Variants in CCDC88C observed in about 807,000 individuals in gnomAD.
CCDC88C encodes the protein protein Daple.
In CCDC88C, 131 loss-of-function variants were observed where a neutral mutation model predicts 198.8. That is an observed-to-expected ratio of 0.66 (90% CI 0.57 to 0.76). The LOEUF (loss-of-function observed/expected upper bound fraction) is 0.76. CCDC88C is among the 30% of genes least tolerant of loss of function. The pLI is 0.00. For missense variants in CCDC88C, 2,553 were observed against 2,631.6 expected, an observed-to-expected ratio of 0.97 and a Z score of 0.65; for synonymous variants, 1,166 against 1,114.7, an observed-to-expected ratio of 1.05 and a Z score of -0.92.
chr14:91,332,430 T>C (rs984898315), intron 10 of CCDC88C, among the ~76,000 whole-genome samples: 2 of 152,216 alleles, frequency 1.3e-5, no homozygotes, highest in African/African-American at 2.4e-5. Flanking sequence ...GGAGCAAAAA[T>C]AGCTGCCAGA....
intron 22 of CCDC88C, 130 bp downstream of exon 22, chr14:91,297,175 G>T: frequency 1.1e-6 from 1 of 948,320 alleles, no homozygotes; most frequent in Non-Finnish European, 1.6e-6. Flanking sequence ...CAGCCTCTGT[G>T]CCACCTCCAC....
rs893615587 is a variant in CCDC88C, at chr14:91,416,850, G to C, written c.61-12C>G. The C allele has an allele frequency of 2.5e-6, 4 of 1,595,334 alleles. No individual in the cohort carries two copies. The Admixed American group carries it at 6.7e-5, about 27-fold the overall frequency. Reference sequence around the variant, plus strand: ...CCAAAAGTTTTCACCTGCGGGGAGGGGGACGAGGAGAGAAAGACAGGAAGT... The same window carrying C: ...CCAAAAGTTTTCACCTGCGGGGAGGCGGACGAGGAGAGAAAGACAGGAAGT... On this transcript the variant is annotated splice_polypyrimidine_tract_variant and intron_variant, in intron 1 of 29. Coordinates refer to ENST00000389857, the MANE Select transcript of CCDC88C (RefSeq NM_001080414.4).
intron 3 of CCDC88C, chr14:91,408,272 G>C: frequency 4.9e-6 from 1 of 205,654 alleles, no homozygotes. Flanking sequence ...CTCAACCCTT[G>C]AATGGCTCCT....
chr14:91,277,659 T>G (rs1890019590), intron 29 of CCDC88C, among the ~76,000 whole-genome samples: 1 of 152,180 alleles, frequency 6.6e-6, no homozygotes, highest in Non-Finnish European at 1.5e-5. Flanking sequence ...GTAAGTCAGG[T>G]GCTGGCCACG....
chr14:91,327,306 T>C (rs1207862579), intron 10 of CCDC88C, among the ~76,000 whole-genome samples: 1 of 152,182 alleles, frequency 6.6e-6, no homozygotes, highest in East Asian at 1.9e-4. Flanking sequence ...CCACACACTT[T>C]CCGGCCAGCG....
At chr14:91,374,012 G>A (rs1435051537) in intron 3 of CCDC88C, among the ~76,000 whole-genome samples, 1 of 152,212 alleles carries the variant, frequency 6.6e-6, no homozygotes, top group Non-Finnish European at 1.5e-5. Flanking sequence ...GAGATCCTCA[G>A]GGTCCCCAGG....
At chr14:91,315,480 C>T (rs966797519) in intron 14 of CCDC88C, among the ~76,000 whole-genome samples, 170 bp downstream of exon 14, 10 of 152,208 alleles carry the variant, frequency 6.6e-5, no homozygotes, top group Non-Finnish European at 8.8e-5. Flanking sequence ...TTCACCCCAC[C>T]TTTTCCCACC....
chr14:91,364,455 A>G (rs1011042133), intron 3 of CCDC88C, among the ~76,000 whole-genome samples: 1 of 152,182 alleles, frequency 6.6e-6, no homozygotes, highest in Non-Finnish European at 1.5e-5. Context: ...AGGCAGGTGC[A>G]TTTGTGTTTT....
chr14:91,391,693 CG>C (rs1254280971), intron 3 of CCDC88C, among the ~76,000 whole-genome samples: 14 of 152,084 alleles, frequency 9.2e-5, no homozygotes, highest in Non-Finnish European at 1.2e-4. Flanking sequence ...GCAGGAGAAT[CG>C]CTTGATCCCA....
In CCDC88C at chr14:91,331,109, C is replaced by T. The variant is rs187537893; in HGVS notation, c.1051-5053G>A. Among the ~76,000 whole-genome samples, 7 of 14,016 alleles carry T rather than the reference C, an allele frequency of 5.0e-4. No homozygotes were observed. In the South Asian group the frequency reaches 0.012, roughly 24 times the overall value. The allele number at this position is 14,016 out of a possible 152,430, so 9.2% of individuals were successfully genotyped here. On this transcript the variant is annotated intron_variant, in intron 10 of 29. Transcript: ENST00000389857. ...GCAAGAGTGGCTTTGGTAAGTGGGG[C>T]GGGGGTGGGGGGAGCGGTGCAGGCA...
chr14:91,318,894 G>C (rs1299474799), intron 13 of CCDC88C, among the ~76,000 whole-genome samples: 5 of 128,812 alleles, frequency 3.9e-5, no homozygotes, highest in Non-Finnish European at 6.3e-5. Flanking sequence ...ACTCCAGCCT[G>C]GACAACAGAG....
At chr14:91,310,800 CTA>C (rs918560157) in intron 15 of CCDC88C, among the ~76,000 whole-genome samples, 4 of 152,184 alleles carry the variant, frequency 2.6e-5, no homozygotes, top group African/African-American at 9.7e-5. Context: ...TTGTAGCTCT[CTA>C]GATAGTGACC....
intron 3 of CCDC88C, among the ~76,000 whole-genome samples, chr14:91,369,121 C>T (rs1319003007): frequency 6.6e-6 from 1 of 152,198 alleles, no homozygotes; most frequent in African/African-American, 2.4e-5. Context: ...GAGAGCTTCC[C>T]TCATAGACAC....
chr14:91,378,207 TG>T (rs1178876464), intron 3 of CCDC88C, among the ~76,000 whole-genome samples: 1 of 152,176 alleles, frequency 6.6e-6, no homozygotes, highest in African/African-American at 2.4e-5. Flanking sequence ...AGCCGCAAGC[TG>T]GCAGAGGTCA....
Position 91,326,188 on chromosome 14 carries a change from A to C in CCDC88C, c.1051-132T>G, listed in dbSNP as rs543748590. The stretch of plus-strand genomic sequence containing the variant: ...ATCTAGAGGGAAGTCCGAGGCAGGA[A>C]GTTTTTCCTCTACTTTTTTTTTTAT... On this transcript the variant is annotated intron_variant, in intron 10 of 29. Coordinates refer to ENST00000389857, the MANE Select transcript of CCDC88C (RefSeq NM_001080414.4). 153 of 731,598 alleles carry C rather than the reference A, an allele frequency of 2.1e-4. No individual in the cohort carries two copies. In the African/African-American group the frequency reaches 2.5e-3, roughly 12 times the overall value. The allele number at this position is 731,598 out of a possible 1,614,324, so 45.3% of individuals were successfully genotyped here. A position where few individuals can be genotyped will look rare whatever the true frequency, so the allele number is the denominator to read the frequency against.
At chr14:91,306,643 T>C (rs918599145) in intron 18 of CCDC88C, among the ~76,000 whole-genome samples, 1 of 152,250 alleles carries the variant, frequency 6.6e-6, no homozygotes, top group East Asian at 1.9e-4. Flanking sequence ...GCCATGGGGT[T>C]TCCATCTCAA....
At chr14:91,324,094 C>T (rs1043034725) in intron 12 of CCDC88C, among the ~76,000 whole-genome samples, 1 of 152,256 alleles carries the variant, frequency 6.6e-6, no homozygotes, top group African/African-American at 2.4e-5. Context: ...GAACGGTGAG[C>T]GTGTGCTATT....
intron 5 of CCDC88C, among the ~76,000 whole-genome samples, chr14:91,343,282 A>G (rs1893380067): frequency 6.6e-6 from 1 of 152,158 alleles, no homozygotes; most frequent in Non-Finnish European, 1.5e-5. Flanking sequence ...TTACAAATAC[A>G]GGCAGCAAGT....
At chr14:91,363,861 G>A (rs1433883886) in intron 3 of CCDC88C, among the ~76,000 whole-genome samples, 1 of 152,262 alleles carries the variant, frequency 6.6e-6, no homozygotes, top group Non-Finnish European at 1.5e-5. Context: ...AGTCTGGCAG[G>A]GACGTGAGGA....
Sources: gnomAD v4.1 joint callset for allele counts (sites outside exome capture counted in the v4.1 genomes callset) on GRCh38, gnomAD v4.1.1 for gene constraint, MANE v1.5 for transcripts, NCBI Gene and HGNC (gene_info 2026-07-23, HGNC 2026-07-21) for gene names.